The following RPS6KA2 variants were observed in gnomAD, a reference collection of about 807,000 sequenced individuals.
RPS6KA2 encodes ribosomal protein S6 kinase A2.
Under a neutral mutation model 91.8 loss-of-function variants are expected in RPS6KA2, and 42 were observed. That is an observed-to-expected ratio of 0.46 (90% CI 0.36 to 0.59). The LOEUF (loss-of-function observed/expected upper bound fraction) is 0.59, where lower values mean the gene tolerates loss of function less well. RPS6KA2 is among the 20% of genes least tolerant of loss of function. The pLI, the probability that RPS6KA2 is intolerant of heterozygous loss-of-function variation, is 0.00. For missense variants in RPS6KA2, 798 were observed against 978.5 expected (o/e 0.82, Z 2.46); for synonymous variants, 414 against 393.6 (o/e 1.05, Z -0.61).
intron 11 of RPS6KA2, chr6:166,463,062 G>T: frequency 6.6e-6 from 1 of 152,420 alleles, no homozygotes; most frequent in Non-Finnish European, 1.5e-5. Flanking sequence ...GTGGCCAACT[G>T]GAGCCGGTCA....
rs1779753913 is a variant in RPS6KA2 at position 166,448,646 on chromosome 6, C to CCATGCTCCCACATACCACA, written c.1332+77_1332+78insTGTGGTATGTGGGAGCATG. 2 of 1,499,026 alleles carry CCATGCTCCCACATACCACA rather than the reference C, an allele frequency of 1.3e-6. No individual in the cohort carries two copies. Among genetic ancestry groups the CCATGCTCCCACATACCACA allele is most frequent in the Non-Finnish European group, 9.0e-7 (1 of 1,111,502 alleles). 92.9% of individuals were successfully genotyped at this position (1,499,026 alleles called of 1,614,324 possible). Reference sequence around the variant, plus strand: ...CAGGGCCCTGCTATGCTCCTATGCTCCGTGCTCCCACATACCACACGTGCT... The same window carrying CCATGCTCCCACATACCACA: ...CAGGGCCCTGCTATGCTCCTATGCTCCATGCTCCCACATACCACACGTGCTCCCACATACCACACGTGCT... On this transcript the variant is annotated intron_variant, in intron 14 of 20. Coordinates refer to ENST00000265678, the MANE Select transcript of RPS6KA2 (RefSeq NM_021135.6). This position sits in a 1 kb window ranked among gnomAD's most constrained non-coding sequence, Gnocchi z 4.7.
At chr6:166,683,001 C>G (rs1272948066) in intron 2 of RPS6KA2, among the ~76,000 whole-genome samples, 1 of 152,170 alleles carries the variant, frequency 6.6e-6, no homozygotes, top group Non-Finnish European at 1.5e-5. Context: ...CAACGAGAAA[C>G]TAGGGGAAGG....
chr6:166,857,128 T>A (rs1780924351), intron 2 of RPS6KA2, among the ~76,000 whole-genome samples: 1 of 152,228 alleles, frequency 6.6e-6, no homozygotes, highest in East Asian at 1.9e-4. Flanking sequence ...AATGTTGCAT[T>A]GGTGTGCATA....
At chr6:166,535,183 A>C (rs1783440348) in intron 2 of RPS6KA2, among the ~76,000 whole-genome samples, 1 of 152,166 alleles carries the variant, frequency 6.6e-6, no homozygotes, top group African/African-American at 2.4e-5. Flanking sequence ...CTGCATTGCA[A>C]AGATGCTGTG....
chr6:166,528,443 T>C (rs985129602), intron 3 of RPS6KA2, among the ~76,000 whole-genome samples: 2 of 151,810 alleles, frequency 1.3e-5, no homozygotes, highest in Admixed American at 6.6e-5. Flanking sequence ...GACTTAAATG[T>C]TAGACCTAAA....
intron 2 of RPS6KA2, among the ~76,000 whole-genome samples, chr6:166,816,244 T>G (rs1465223233): frequency 6.6e-6 from 1 of 152,024 alleles, no homozygotes; most frequent in African/African-American, 2.4e-5. Flanking sequence ...GCATATTTAA[T>G]TAAAGAATTA....
chr6:166,816,152 C>T (rs55939864), intron 2 of RPS6KA2, among the ~76,000 whole-genome samples: 3,824 of 152,200 alleles, frequency 0.025, 140 homozygotes, highest in African/African-American at 0.085. Flanking sequence ...AATCCTGCTT[C>T]GTTCTCCACA....
intron 14 of RPS6KA2, among the ~76,000 whole-genome samples, chr6:166,438,444 C>T (rs1197080413): frequency 6.6e-6 from 1 of 152,230 alleles, no homozygotes; most frequent in Non-Finnish European, 1.5e-5. Flanking sequence ...CTGGGTGACA[C>T]ATATTCTTGC....
intron 2 of RPS6KA2, among the ~76,000 whole-genome samples, chr6:166,634,884 G>A (rs980048079): frequency 6.6e-6 from 1 of 152,118 alleles, no homozygotes; most frequent in Non-Finnish European, 1.5e-5. Flanking sequence ...TTACAGGTGT[G>A]AGCCACTACA....
At chr6:166,862,441 GC>G in exon 1 of RPS6KA2, 1 of 1,257,136 alleles carries the variant, frequency 8.0e-7, no homozygotes, top group African/African-American at 1.5e-5. Context: ...CTGGGGAGCT[GC>G]TGCCGCTTCC....
chr6:166,506,037 G>A (rs1782210910), intron 5 of RPS6KA2, among the ~76,000 whole-genome samples: 1 of 152,192 alleles, frequency 6.6e-6, no homozygotes, highest in Non-Finnish European at 1.5e-5. Context: ...CTCACGGTGT[G>A]AGTTCTGCAG....
chr6:166,577,314 A>C (rs1260682627), intron 1 of RPS6KA2, among the ~76,000 whole-genome samples: 2 of 152,096 alleles, frequency 1.3e-5, no homozygotes, highest in Non-Finnish European at 2.9e-5. Context: ...CATCCTCCAG[A>C]CCCCAGAATG....
At chr6:166,855,238 G>A (rs1315181132) in intron 2 of RPS6KA2, among the ~76,000 whole-genome samples, 2 of 152,128 alleles carry the variant, frequency 1.3e-5, no homozygotes, top group South Asian at 2.1e-4. Flanking sequence ...TGTGGTCACT[G>A]TTCTGGTAAT....
rs182602164 is a variant in RPS6KA2 at position 166,615,636 on chromosome 6, C to T, written c.99+11285G>A. 5.1e-3 allele frequency among the ~76,000 whole-genome samples: 777 copies of T among 152,292 alleles called. 3 individuals are homozygous for T. The highest frequency in any genetic ancestry group is 0.017 in the African/African-American group (722 of 41,580). ...GCCCACACACCGTGTGCTCGCTCCG[C>T]TCATACCAGGTAGGAAACAGCAAAA... On this transcript the variant is annotated intron_variant, in intron 1 of 20. Coordinates refer to ENST00000265678, the MANE Select transcript of RPS6KA2 (RefSeq NM_021135.6).
chr6:166,658,254 G>A (rs1293994340), intron 2 of RPS6KA2, among the ~76,000 whole-genome samples: 1 of 152,110 alleles, frequency 6.6e-6, no homozygotes, highest in Non-Finnish European at 1.5e-5. Context: ...GAGGAAGCAG[G>A]GTCAGCCCTG....
chr6:166,541,850 C>T (rs943715154), intron 1 of RPS6KA2, among the ~76,000 whole-genome samples: 1 of 152,186 alleles, frequency 6.6e-6, no homozygotes, highest in Non-Finnish European at 1.5e-5. Context: ...ATAATTTCAT[C>T]TCCTAAAATG....
At chr6:166,581,433 C>T (rs1785005649) in intron 1 of RPS6KA2, among the ~76,000 whole-genome samples, 1 of 152,114 alleles carries the variant, frequency 6.6e-6, no homozygotes, top group Non-Finnish European at 1.5e-5. Flanking sequence ...GGAACTGACG[C>T]CCCGCTCAGC....
intron 10 of RPS6KA2, among the ~76,000 whole-genome samples, chr6:166,484,517 T>C (rs1781340878): frequency 6.6e-6 from 1 of 152,190 alleles, no homozygotes; most frequent in Non-Finnish European, 1.5e-5. Flanking sequence ...CAGAAAAGCT[T>C]TGTTTTTGTG....
At chr6:166,844,319 A>T (rs1263235424) in intron 2 of RPS6KA2, among the ~76,000 whole-genome samples, 4 of 152,256 alleles carry the variant, frequency 2.6e-5, no homozygotes, top group African/African-American at 7.2e-5. Flanking sequence ...CCGAGAAAGA[A>T]GAGAAATCTA....
Sources: allele counts gnomAD v4.1 joint callset (sites outside exome capture counted in the v4.1 genomes callset), GRCh38; gene constraint gnomAD v4.1.1; non-coding constraint Gnocchi (gnomAD v3.1); transcripts MANE v1.5; gene names NCBI Gene and HGNC (gene_info 2026-07-23, HGNC 2026-07-21).